Variants in PCDHA5 observed in about 807,000 individuals in gnomAD.
The protein encoded by PCDHA5 is protocadherin alpha-5.
Under a neutral mutation model 61.6 loss-of-function variants are expected in PCDHA5, and 43 were observed. The observed-to-expected ratio is 0.70, with a 90% CI of 0.55 to 0.90. The LOEUF (loss-of-function observed/expected upper bound fraction) is 0.90, where lower values mean the gene tolerates loss of function less well. PCDHA5 is among the 40% of genes least tolerant of loss of function. The pLI is 0.00. For synonymous variants in PCDHA5, 627 were observed against 543.9 expected (o/e 1.15, Z -2.13); for missense variants, 1,298 against 1,222.7 (o/e 1.06, Z -0.92).
Position 140,974,796 on chromosome 5 carries a change from G to T in PCDHA5, c.2353-4153G>T, listed in dbSNP as rs2096640726. On this transcript the variant is annotated intron_variant, in intron 1 of 3. Transcript: ENST00000529859. The stretch of plus-strand genomic sequence containing the variant: ...AGCCACTGCGCCCAGCCCTCATTTT[G>T]ATATACTAGAAGACCAATATGCAAC... Among the ~76,000 whole-genome samples the T allele has an allele frequency of 2.6e-5, 4 of 152,194 alleles. No individual in the cohort carries two copies. In the South Asian group the frequency reaches 8.3e-4, roughly 32 times the overall value.
chr5:140,861,061 A>G (rs1278905276), intron 1 of PCDHA5: 1 of 152,226 alleles, frequency 6.6e-6, no homozygotes, highest in Admixed American at 6.5e-5. Context: ...AGAAAATCAG[A>G]TTATTCCTAG....
At chr5:140,978,799 A>C (rs2096824173) in intron 1 of PCDHA5, 150 bp from the exon 2 acceptor site, 2 of 1,479,066 alleles carry the variant, frequency 1.4e-6, no homozygotes, top group East Asian at 4.9e-5. Flanking sequence ...ATATATGTAG[A>C]TATCATCATA....
intron 1 of PCDHA5, among the ~76,000 whole-genome samples, chr5:140,918,519 G>A (rs2078736782): frequency 6.6e-6 from 1 of 152,068 alleles, no homozygotes. Flanking sequence ...AACTTATTGA[G>A]GATTGTTTTA....
At position 140,835,626 on chromosome 5, in the gene PCDHA5, C is replaced by G. The variant is rs2150239729; in HGVS notation, c.2352+11499C>G. ...ATTGGTGCTGGACAGCGCTCTGGAC[C>G]GCGAGAGTGTGTCCGCCTATGAGCT... is the stretch of plus-strand genomic sequence containing the variant. On this transcript the variant is annotated intron_variant, in intron 1 of 3. Transcript: ENST00000529859. 21 of 1,613,762 alleles carry G rather than the reference C, an allele frequency of 1.3e-5. No homozygotes were observed. The highest frequency in any genetic ancestry group is 1.1e-5 in the South Asian group (1 of 91,068).
rs1455444799 is a variant in PCDHA5, at chr5:140,876,953, T to C, written c.2352+52826T>C. On this transcript the variant is annotated intron_variant, in intron 1 of 3. Coordinates refer to ENST00000529859, the MANE Select transcript of PCDHA5 (RefSeq NM_018908.3). ...AAGAACGCGCTGGTGTCCTACTCGCTGGTGGAGCGGCGGGTGGGCGAGCAC... is the reference window on the plus strand; with the variant it reads ...AAGAACGCGCTGGTGTCCTACTCGCCGGTGGAGCGGCGGGTGGGCGAGCAC... The C allele has an allele frequency of 1.1e-5, 17 of 1,613,306 alleles. No homozygotes were observed. Among genetic ancestry groups the C allele is most frequent in the Non-Finnish European group, 1.4e-5 (17 of 1,179,866 alleles).
intron 1 of PCDHA5, among the ~76,000 whole-genome samples, chr5:140,963,203 AAAAC>A (rs1457721166): frequency 6.6e-6 from 1 of 152,100 alleles, no homozygotes; most frequent in African/African-American, 2.4e-5. Context: ...AATGAAAAAA[AAAAC>A]CTCGTGTTTA....
intron 3 of PCDHA5, among the ~76,000 whole-genome samples, chr5:140,994,538 A>G (rs1554254218): frequency 1.8e-5 from 2 of 111,930 alleles, no homozygotes; most frequent in African/African-American, 9.1e-5. Context: ...CCCCATCTCT[A>G]CAAAAAAAAT....
intron 1 of PCDHA5, chr5:140,968,074 C>T (rs781940696): frequency 1.2e-6 from 2 of 1,614,020 alleles, no homozygotes; most frequent in African/African-American, 1.3e-5. Context: ...CTGTCTACAA[C>T]ATCACGGTGA....
At chr5:140,836,951 G>T (rs1344395357) in intron 1 of PCDHA5, 4 of 428,312 alleles carry the variant, frequency 9.3e-6, no homozygotes, top group South Asian at 5.1e-5. Context: ...AAAATCTATG[G>T]TTTATGTTGG....
chr5:140,877,625 A>T (rs1554169929), intron 1 of PCDHA5: 1 of 1,613,774 alleles, frequency 6.2e-7, no homozygotes, highest in Non-Finnish European at 8.5e-7. Context: ...CTGCTGCTGT[A>T]CACTGCGCTG....
chr5:141,005,133 T>C (rs559773723), intron 3 of PCDHA5, among the ~76,000 whole-genome samples: 3 of 152,328 alleles, frequency 2.0e-5, no homozygotes, highest in Admixed American at 6.5e-5. Context: ...AAGTGCCTCA[T>C]TGGAGAGTTG....
intron 1 of PCDHA5, chr5:140,825,356 T>G (rs1768522670): frequency 6.8e-6 from 1 of 147,500 alleles, no homozygotes. Context: ...CTAATATATA[T>G]TAGATATATA....
chr5:140,849,671 C>T (rs2150444365), intron 1 of PCDHA5: 6 of 1,598,630 alleles, frequency 3.8e-6, no homozygotes, highest in Middle Eastern at 1.7e-4. Flanking sequence ...TGACGCCCCA[C>T]GTCCCCTTCA....
In PCDHA5 at chr5:140,959,652, T is replaced by C. The variant is rs538144488; in HGVS notation, c.2353-19297T>C. 1.3e-4 allele frequency among the ~76,000 whole-genome samples: 20 copies of C among 152,234 alleles called. No individual in the cohort carries two copies. In the South Asian group the frequency reaches 4.2e-3, roughly 32 times the overall value. On this transcript the variant is annotated intron_variant, in intron 1 of 3. Transcript: ENST00000529859. ...AGAGAGAAAAAACACAGAAGCAAAATTGAAGAATTTGTAAATCATTTCTAA... is the reference window on the plus strand; with the variant it reads ...AGAGAGAAAAAACACAGAAGCAAAACTGAAGAATTTGTAAATCATTTCTAA...
intron 1 of PCDHA5, chr5:140,843,527 A>T (rs2150362053): frequency 6.3e-7 from 1 of 1,595,944 alleles, no homozygotes; most frequent in East Asian, 2.2e-5. Flanking sequence ...CCGGGCGGGC[A>T]AGCCCACTCT....
At chr5:140,840,421 C>G (rs2150306670) in intron 1 of PCDHA5, among the ~76,000 whole-genome samples, 4 of 151,870 alleles carry the variant, frequency 2.6e-5, no homozygotes, top group Non-Finnish European at 5.9e-5. Flanking sequence ...AAATAATAGG[C>G]TAGTTTAAAG....
chr5:140,882,234 T>C, intron 1 of PCDHA5: 1 of 1,579,306 alleles, frequency 6.3e-7, no homozygotes, highest in Non-Finnish European at 8.6e-7. Flanking sequence ...GCGTTGTATA[T>C]ATTGCAGATA....
chr5:141,007,395 CAAAAAAAAAAAAAAAA>C (rs35800918), intron 3 of PCDHA5, among the ~76,000 whole-genome samples: 1 of 94,866 alleles, frequency 1.1e-5, no homozygotes. Context: ...TACTAAAATA[CAAAAAAAAAAAAAAAA>C]AAAAAAATTA....
intron 1 of PCDHA5, chr5:140,881,383 G>C: frequency 1.0e-6 from 1 of 984,330 alleles, no homozygotes; most frequent in Non-Finnish European, 1.2e-6. Flanking sequence ...AGCCGGCGGC[G>C]GTAAGTTAAA....
Sources: gnomAD v4.1 joint callset for allele counts (sites outside exome capture counted in the v4.1 genomes callset) on GRCh38, gnomAD v4.1.1 for gene constraint, MANE v1.5 for transcripts, NCBI Gene and HGNC (gene_info 2026-07-23, HGNC 2026-07-21) for gene names.